Variants in SCARA5 observed in about 807,000 individuals in gnomAD.
SCARA5 encodes scavenger receptor class A member 5, also known as scavenger receptor class A, member 5 (putative).
A neutral mutation model predicts 46.3 loss-of-function variants in SCARA5; 45 were observed. The observed-to-expected ratio is 0.97, with a 90% CI of 0.76 to 1.24. SCARA5 has a LOEUF of 1.24. Ranked by LOEUF, SCARA5 falls within the 50% of genes most tolerant of loss-of-function variation. SCARA5 has a pLI of 0.00. For missense variants in SCARA5, 680 were observed against 689.0 expected, an observed-to-expected ratio of 0.99 and a Z score of 0.15; for synonymous variants, 333 against 306.5, an observed-to-expected ratio of 1.09 and a Z score of -0.90.
At chr8:27,989,769 G>A (rs1163530902) in intron 1 of SCARA5, among the ~76,000 whole-genome samples, 1 of 152,152 alleles carries the variant, frequency 6.6e-6, no homozygotes, top group East Asian at 1.9e-4. Context: ...AGTTCACTGG[G>A]CTCCCAATTC....
chr8:27,946,929 T>C (rs982937752), intron 3 of SCARA5, among the ~76,000 whole-genome samples: 1 of 138,098 alleles, frequency 7.2e-6, no homozygotes, highest in Admixed American at 7.1e-5. Flanking sequence ...CCCCTTAGCT[T>C]TTGTTTTTTT....
chr8:27,978,605 G>A (rs768367791), intron 2 of SCARA5, among the ~76,000 whole-genome samples: 1 of 151,900 alleles, frequency 6.6e-6, no homozygotes, highest in African/African-American at 2.4e-5. Context: ...TTGACCGCCT[G>A]GTCAAGAGAT....
intron 5 of SCARA5, 37 bp downstream of exon 5, chr8:27,909,626 A>G (rs1585481115): frequency 7.1e-7 from 1 of 1,399,566 alleles, no homozygotes; most frequent in Non-Finnish European, 9.9e-7. Context: ...TGGATTGGGG[A>G]TCTCTCCCAG....
intron 3 of SCARA5, among the ~76,000 whole-genome samples, chr8:27,945,580 G>A (rs943380224): frequency 1.3e-5 from 2 of 152,214 alleles, no homozygotes; most frequent in African/African-American, 4.8e-5. Flanking sequence ...TACAGGTTGT[G>A]CAAAGCAGCA....
rs149323806 is a variant in SCARA5 at position 27,884,786 on chromosome 8, G to A, written c.1154-5020C>T. On this transcript the variant is annotated intron_variant, in intron 7 of 8. Coordinates refer to ENST00000354914, the MANE Select transcript of SCARA5 (RefSeq NM_173833.6). ...GGATACACCCACAAACAGAGTCCCTGCCCTCATGGAGCTGACATTCTAGGG... is the reference window on the plus strand; with the variant it reads ...GGATACACCCACAAACAGAGTCCCTACCCTCATGGAGCTGACATTCTAGGG... 2.2e-3 allele frequency among the ~76,000 whole-genome samples: 335 copies of A among 152,314 alleles called. 1 individual carries two copies. The highest frequency in any genetic ancestry group is 6.8e-3 in the Middle Eastern group (2 of 294).
At chr8:27,954,249 C>T (rs890053371) in intron 3 of SCARA5, among the ~76,000 whole-genome samples, 34 of 152,048 alleles carry the variant, frequency 2.2e-4, no homozygotes, top group African/African-American at 7.0e-4. Flanking sequence ...GGGCAGTCAA[C>T]ACCATGCTGG....
In SCARA5 at chr8:27,989,129, CTTTT is replaced by C. The variant is rs34929623; in HGVS notation, c.-15-1503_-15-1500del. Among the ~76,000 whole-genome samples, 117 of 68,316 alleles carry C rather than the reference CTTTT, an allele frequency of 1.7e-3. 1 individual carries two copies. The highest frequency in any genetic ancestry group is 6.7e-3 in the African/African-American group (109 of 16,224). 44.8% of individuals were successfully genotyped at this position (68,316 alleles called of 152,430 possible). A position where few individuals can be genotyped will look rare whatever the true frequency, so the allele number is the denominator to read the frequency against. On this transcript the variant is annotated intron_variant, in intron 1 of 8. Coordinates refer to ENST00000354914, the MANE Select transcript of SCARA5 (RefSeq NM_173833.6). Reference sequence around the variant, plus strand: ...TTTTTTTTTTTCTGTTTCTTTCTTTCTTTTTTTTTTTTTTTTTTTTTTTTGAGAC... The same window carrying C: ...TTTTTTTTTTTCTGTTTCTTTCTTTCTTTTTTTTTTTTTTTTTTTTGAGAC...
chr8:27,981,577 C>A (rs779709104), intron 2 of SCARA5, among the ~76,000 whole-genome samples: 1 of 152,174 alleles, frequency 6.6e-6, no homozygotes, highest in African/African-American at 2.4e-5. Flanking sequence ...GTGGGGATGG[C>A]GGGACAAACA....
chr8:27,883,657 C>T (rs1292442489), intron 7 of SCARA5, among the ~76,000 whole-genome samples: 1 of 152,148 alleles, frequency 6.6e-6, no homozygotes, highest in African/African-American at 2.4e-5. Flanking sequence ...CAGCAAGGTT[C>T]CTTCTAGCTC....
chr8:27,875,740 A>T (rs1806713611), intron 8 of SCARA5, among the ~76,000 whole-genome samples: 1 of 152,200 alleles, frequency 6.6e-6, no homozygotes, highest in Non-Finnish European at 1.5e-5. Flanking sequence ...CTGAGGACCC[A>T]GGCAGGGAGT....
intron 1 of SCARA5, among the ~76,000 whole-genome samples, chr8:27,991,637 T>A (rs919158662): frequency 6.6e-6 from 1 of 152,140 alleles, no homozygotes. Flanking sequence ...ATTACCTCAC[T>A]TTAAACTCAT....
intron 3 of SCARA5, among the ~76,000 whole-genome samples, chr8:27,927,291 A>G (rs1356594104): frequency 6.6e-6 from 1 of 152,204 alleles, no homozygotes; most frequent in Non-Finnish European, 1.5e-5. Context: ...AACTTGGTCC[A>G]TATGGGGACG....
chr8:27,902,270 C>T (rs1807167395), intron 7 of SCARA5, among the ~76,000 whole-genome samples: 1 of 152,136 alleles, frequency 6.6e-6, no homozygotes, highest in Admixed American at 6.5e-5. Context: ...TCACCTCTTG[C>T]TGTACAGTCA....
At chr8:27,880,919 A>G (rs1249949241) in intron 7 of SCARA5, among the ~76,000 whole-genome samples, 1 of 152,074 alleles carries the variant, frequency 6.6e-6, no homozygotes, top group African/African-American at 2.4e-5. Context: ...AAGAAGATAT[A>G]CAAACAGCCA....
chr8:27,938,772 T>G (rs1349676860), intron 3 of SCARA5, among the ~76,000 whole-genome samples: 1 of 152,196 alleles, frequency 6.6e-6, no homozygotes, highest in Non-Finnish European at 1.5e-5. Context: ...TGGATTTCAC[T>G]TTGTACACAC....
At position 27,902,575 on chromosome 8, in the gene SCARA5, T is replaced by C. The variant is rs1024721430; in HGVS notation, c.1153+2203A>G. Among the ~76,000 whole-genome samples, 3 of 152,196 alleles carry C rather than the reference T, an allele frequency of 2.0e-5. No homozygotes were observed. In the East Asian group the frequency reaches 5.8e-4, roughly 29 times the overall value. ...ATTCCCAACAAGAGCCCCTCTGGCA[T>C]GCGGGCAGTGTTTCTGATCTCAAAG... On this transcript the variant is annotated intron_variant, in intron 7 of 8. Coordinates refer to ENST00000354914, the MANE Select transcript of SCARA5 (RefSeq NM_173833.6).
At chr8:27,985,778 T>C (rs558012148) in intron 2 of SCARA5, among the ~76,000 whole-genome samples, 4 of 152,276 alleles carry the variant, frequency 2.6e-5, no homozygotes, top group Admixed American at 1.3e-4. Context: ...GGCCCTAGCA[T>C]CAGGGAACCC....
At chr8:27,922,375 T>G in intron 3 of SCARA5, 130 bp from the exon 4 acceptor site, 1 of 601,074 alleles carries the variant, frequency 1.7e-6, no homozygotes, top group Non-Finnish European at 2.8e-6. Flanking sequence ...AAATCACAGG[T>G]GGTGTGCTGA....
intron 4 of SCARA5, among the ~76,000 whole-genome samples, chr8:27,916,836 G>A (rs1161290781): frequency 1.3e-5 from 2 of 152,182 alleles, no homozygotes; most frequent in East Asian, 1.9e-4. Flanking sequence ...AGTGATCTGA[G>A]TGTTTGCATC....
Sources: allele counts gnomAD v4.1 joint callset (sites outside exome capture counted in the v4.1 genomes callset), GRCh38; gene constraint gnomAD v4.1.1; transcripts MANE v1.5; gene names NCBI Gene and HGNC (gene_info 2026-07-23, HGNC 2026-07-21).